MAD1L1: variants seen among roughly 807,000 people sequenced by gnomAD.
MAD1L1 encodes mitotic spindle assembly checkpoint protein MAD1.
In MAD1L1, 95 loss-of-function variants were observed where a neutral mutation model predicts 96.9. That is an observed-to-expected ratio of 0.98 (90% confidence interval 0.83 to 1.16). The LOEUF is 1.16. Ranked by LOEUF, MAD1L1 falls within the 50% of genes most tolerant of loss-of-function variation. MAD1L1 has a pLI of 0.00. For synonymous variants in MAD1L1, 473 were observed against 396.6 expected, an observed-to-expected ratio of 1.19 and a Z score of -2.29; for missense variants, 1,007 against 954.4, an observed-to-expected ratio of 1.06 and a Z score of -0.73.
chr7:1,864,366 G>A (rs530950867), intron 18 of MAD1L1, among the ~76,000 whole-genome samples: 30 of 152,358 alleles, frequency 2.0e-4, no homozygotes, highest in African/African-American at 6.3e-4. Context: ...GGGGGAACTT[G>A]CCTTTGGCCA....
At chr7:1,918,721 G>A (rs550257878) in intron 17 of MAD1L1, among the ~76,000 whole-genome samples, 1 of 152,352 alleles carries the variant, frequency 6.6e-6, no homozygotes, top group Admixed American at 6.5e-5. Context: ...AGGGCCTAGG[G>A]TGTTTAACTG....
At chr7:2,225,646 A>G in intron 3 of MAD1L1, 96 bp from the exon 4 acceptor site, 1 of 1,340,954 alleles carries the variant, frequency 7.5e-7, no homozygotes, top group South Asian at 1.3e-5. Flanking sequence ...CTGAGGACCC[A>G]TTCCCGCAGG....
At chr7:1,995,320 G>A (rs1342148031) in intron 14 of MAD1L1, among the ~76,000 whole-genome samples, 1 of 152,154 alleles carries the variant, frequency 6.6e-6, no homozygotes, top group Non-Finnish European at 1.5e-5. Context: ...TGCTGAGGAA[G>A]ATCAGGCCCC....
chr7:1,869,668 C>A (rs962929222), intron 18 of MAD1L1, among the ~76,000 whole-genome samples: 1 of 152,276 alleles, frequency 6.6e-6, no homozygotes, highest in South Asian at 2.1e-4. Flanking sequence ...AATTAGCCTG[C>A]GTCGGTAATG....
At chr7:1,927,458 G>A (rs772772543) in intron 17 of MAD1L1, among the ~76,000 whole-genome samples, 5 of 152,214 alleles carry the variant, frequency 3.3e-5, no homozygotes, top group South Asian at 2.1e-4. Flanking sequence ...AATCAATACC[G>A]TGGGGTGTTA....
At chr7:2,060,144 TGCCAAGATACGCCGAA>T (rs1322780750) in intron 12 of MAD1L1, among the ~76,000 whole-genome samples, 1 of 149,654 alleles carries the variant, frequency 6.7e-6, no homozygotes, top group Non-Finnish European at 1.5e-5. Context: ...GATACGCAGA[TGCCAAGATACGCCGAA>T]GCCGAGATAC....
chr7:2,163,378 GTTTT>G (rs540904902), intron 10 of MAD1L1, among the ~76,000 whole-genome samples: 78 of 151,992 alleles, frequency 5.1e-4, no homozygotes, highest in African/African-American at 1.8e-3. Context: ...TGTATTCTTT[GTTTT>G]TTGTTTTTTG....
intron 18 of MAD1L1, among the ~76,000 whole-genome samples, chr7:1,822,126 AG>A (rs1232635070): frequency 5.3e-5 from 8 of 152,290 alleles, no homozygotes; most frequent in African/African-American, 1.7e-4. Context: ...CGAAGGTTGC[AG>A]GAAATAAGAT....
chr7:1,983,145 C>T (rs1483559131), intron 14 of MAD1L1, among the ~76,000 whole-genome samples: 25 of 29,312 alleles, frequency 8.5e-4, no homozygotes, highest in Admixed American at 2.4e-3. Flanking sequence ...CGCGCGCGCG[C>T]GCGCGCGCGC....
intron 18 of MAD1L1, among the ~76,000 whole-genome samples, chr7:1,888,748 T>C (rs1375072721): frequency 6.6e-6 from 1 of 150,378 alleles, no homozygotes; most frequent in Non-Finnish European, 1.5e-5. Flanking sequence ...GGTGGGCATG[T>C]GTGAGCATGC....
At chr7:2,160,233 C>CAA (rs528993860) in intron 10 of MAD1L1, among the ~76,000 whole-genome samples, 10 of 109,412 alleles carry the variant, frequency 9.1e-5, no homozygotes, top group Middle Eastern at 5.9e-3. Context: ...TACCCTGTCT[C>CAA]AAAAAAAAAA....
At chr7:2,210,318 G>A (rs1792847596) in intron 10 of MAD1L1, among the ~76,000 whole-genome samples, 1 of 152,118 alleles carries the variant, frequency 6.6e-6, no homozygotes, top group African/African-American at 2.4e-5. Context: ...CAATCCCCCT[G>A]CGGCAGCCTC....
At chr7:1,963,581 C>A (rs1379317351) in intron 15 of MAD1L1, among the ~76,000 whole-genome samples, 1 of 152,208 alleles carries the variant, frequency 6.6e-6, no homozygotes, top group African/African-American at 2.4e-5. Flanking sequence ...CCAGTTATAC[C>A]TCAGGAAAGC....
chr7:2,053,200 C>T (rs1010674630), intron 12 of MAD1L1, among the ~76,000 whole-genome samples: 3 of 152,188 alleles, frequency 2.0e-5, no homozygotes, highest in Admixed American at 1.3e-4. Flanking sequence ...GCAGAAGCCT[C>T]GGGATCTGCT....
chr7:1,878,710 A>G lies in MAD1L1; in HGVS notation c.1998+19490T>C, dbSNP rs529049109. Among the ~76,000 whole-genome samples the G allele has an allele frequency of 3.4e-5, 5 of 147,016 alleles. No homozygotes were observed. The South Asian group carries it at 1.1e-3, about 33-fold the overall frequency. ...AAATACTGGATGCTTTCTCGCTAGC[A>G]TCAGAAACAAGGTAAAAATGTCCCC... On this transcript the variant is annotated intron_variant, in intron 18 of 18. Coordinates refer to ENST00000265854, the MANE Select transcript of MAD1L1 (RefSeq NM_001013836.2).
At chr7:1,997,627 G>T (rs890094122) in intron 14 of MAD1L1, among the ~76,000 whole-genome samples, 2 of 152,276 alleles carry the variant, frequency 1.3e-5, no homozygotes, top group East Asian at 3.8e-4. Context: ...TGTAACCCCC[G>T]GGAAGAAGCC....
intron 18 of MAD1L1, among the ~76,000 whole-genome samples, chr7:1,829,103 G>A (rs1416808863): frequency 2.0e-5 from 3 of 152,246 alleles, no homozygotes; most frequent in Non-Finnish European, 4.4e-5. Context: ...CACATTGGGC[G>A]TGGGCTGTGG....
intron 18 of MAD1L1, chr7:1,854,469 G>A (rs1211683927): frequency 4.7e-6 from 2 of 429,724 alleles, no homozygotes; most frequent in Admixed American, 2.7e-5. Context: ...GTAAGGCACA[G>A]GCAGACTTGG....
chr7:1,974,132 G>A (rs1318761080), intron 15 of MAD1L1, among the ~76,000 whole-genome samples: 2 of 152,192 alleles, frequency 1.3e-5, no homozygotes, highest in Non-Finnish European at 2.9e-5. Context: ...GAGGAGTCCT[G>A]CATTGGCGAC....
Sources: gnomAD v4.1 joint callset for allele counts (sites outside exome capture counted in the v4.1 genomes callset) on GRCh38, gnomAD v4.1.1 for gene constraint, MANE v1.5 for transcripts, NCBI Gene and HGNC (gene_info 2026-07-23, HGNC 2026-07-21) for gene names.